The following CHDH variants were observed in gnomAD, a reference collection of about 807,000 sequenced individuals.
The protein encoded by CHDH is choline dehydrogenase, also known as choline dehydrogenase, mitochondrial.
CHDH carries 43 observed loss-of-function variants against 56.9 expected under a neutral mutation model. The ratio of observed to expected loss-of-function variants is 0.76; its 90% CI spans 0.59 to 0.97. The LOEUF (loss-of-function observed/expected upper bound fraction) is 0.97. CHDH is among the 50% of genes least tolerant of loss of function. The pLI, the probability that CHDH is intolerant of heterozygous loss-of-function variation, is 0.00. For synonymous variants in CHDH, 364 were observed against 348.5 expected (o/e 1.04, Z -0.50); for missense variants, 816 against 821.1 (o/e 0.99, Z 0.08).
Position 53,840,469 on chromosome 3 carries a change from G to A in CHDH, c.-60+460C>T, listed in dbSNP as rs1024595276. 2.6e-5 allele frequency among the ~76,000 whole-genome samples: 4 copies of A among 152,088 alleles called. No homozygotes were observed. In the South Asian group the frequency reaches 6.2e-4, roughly 24 times the overall value. On this transcript the variant is annotated intron_variant, in intron 2 of 8. Transcript: ENST00000315251. Reference sequence around the variant, plus strand: ...CTTGAGCCCAGGAGTTCAAGGTTACGTGAGCTATGATCTTGCCACTGTACT... The same window carrying A: ...CTTGAGCCCAGGAGTTCAAGGTTACATGAGCTATGATCTTGCCACTGTACT...
intron 5 of CHDH, 31 bp from the exon 6 acceptor site, chr3:53,820,639 G>C: frequency 6.3e-7 from 1 of 1,595,460 alleles, no homozygotes; most frequent in Non-Finnish European, 8.5e-7. Context: ...TTAGAAAATG[G>C]CTACCAAGGG....
intron 1 of CHDH, among the ~76,000 whole-genome samples, chr3:53,842,287 C>T (rs1033934659): frequency 6.6e-5 from 10 of 152,188 alleles, no homozygotes; most frequent in African/African-American, 2.2e-4. Context: ...TGTGATGCTA[C>T]ATCTACGACC....
chr3:53,820,339 C>A, intron 6 of CHDH, 135 bp downstream of exon 6: 1 of 1,073,312 alleles, frequency 9.3e-7, no homozygotes. Context: ...GATGGAAAAA[C>A]TGAGGCTCAG....
At position 53,846,340 on chromosome 3, in the gene CHDH, G is replaced by T. The variant is rs2232330; in HGVS notation, c.-388C>A. ...TGGCTCACTGCATGCACGTGTGCGC[G>T]GGGGTAGGCGCGCGCCGCGGCGGCC... On this transcript the variant is annotated 5_prime_UTR_variant, in exon 1 of 9. Transcript: ENST00000315251. 18,239 of 446,744 alleles carry T rather than the reference G, an allele frequency of 0.041. 1,045 individuals carry two copies. Among genetic ancestry groups the T allele is most frequent in the African/African-American group, 0.18 (8,486 of 47,992 alleles). The allele number at this position is 446,744 out of a possible 1,614,324, so 27.7% of individuals were successfully genotyped here. A position where few individuals can be genotyped will look rare whatever the true frequency, so the allele number is the denominator to read the frequency against.
chr3:53,829,154 C>A (rs987869756), intron 2 of CHDH, among the ~76,000 whole-genome samples: 1 of 152,084 alleles, frequency 6.6e-6, no homozygotes, highest in African/African-American at 2.4e-5. Flanking sequence ...TCAGAAAAGG[C>A]TACAAACCGT....
intron 2 of CHDH, among the ~76,000 whole-genome samples, chr3:53,836,059 A>G (rs530132284): frequency 6.6e-6 from 1 of 152,364 alleles, no homozygotes; most frequent in Non-Finnish European, 1.5e-5. Context: ...CCTACAGCCC[A>G]GCAGAGCCTC....
Position 53,817,851 on chromosome 3 carries a change from T to A in CHDH, c.1711A>T (p.Ile571Phe), listed in dbSNP as rs777919420. The change falls in exon 9 of 9, where the codon ATC becomes TTC. Residue 571 changes from isoleucine (I) to phenylalanine (F), a missense_variant. Physicochemically the swap from Ile to Phe is conservative, Grantham distance 21. Transcript: ENST00000315251. Reference sequence around the variant, plus strand: ...TCCCAGAGTGCAGGCTGCCCCTTGATAATGTCAGCTGCCTTCTCTGCGATC... The same window carrying A: ...TCCCAGAGTGCAGGCTGCCCCTTGAAAATGTCAGCTGCCTTCTCTGCGATC... Reference protein sequence around the residue: ...IMIAEKAADIIKGQPALWDKD... With the variant: ...IMIAEKAADIFKGQPALWDKD... The A allele has an allele frequency of 3.2e-5, 51 of 1,614,094 alleles. No individual in the cohort carries two copies. The highest frequency in any genetic ancestry group is 2.7e-4 in the East Asian group (12 of 44,882).
intron 1 of CHDH, among the ~76,000 whole-genome samples, chr3:53,842,995 T>C (rs1698722839): frequency 6.6e-6 from 1 of 152,096 alleles, no homozygotes; most frequent in Admixed American, 6.5e-5. Context: ...AGGGCCTTGA[T>C]TAATATTTGC....
In CHDH at chr3:53,815,002, T is replaced by G. The variant is rs1475280364; in HGVS notation, c.*2775A>C. On this transcript the variant is annotated 3_prime_UTR_variant, in exon 9 of 9. Transcript: ENST00000315251. ...ATTCGTGGAGATGATGCCTGCAACC[T>G]TCGCTACAAGCAGAAAGACTAGATG... The G allele has an allele frequency of 6.6e-6, 1 of 152,084 alleles. No homozygotes were observed. Among genetic ancestry groups the G allele is most frequent in the East Asian group, 1.9e-4 (1 of 5,172 alleles). 9.4% of individuals were successfully genotyped at this position (152,084 alleles called of 1,614,324 possible). A position where few individuals can be genotyped will look rare whatever the true frequency, so the allele number is the denominator to read the frequency against.
rs933175202 is a variant in CHDH, at chr3:53,816,135, C to G, written c.*1642G>C. 9 of 24,424 alleles carry G rather than the reference C, an allele frequency of 3.7e-4. No individual in the cohort carries two copies. Among genetic ancestry groups the G allele is most frequent in the African/African-American group, 7.3e-4 (8 of 10,928 alleles). The allele number at this position is 24,424 out of a possible 1,614,324, so 1.5% of individuals were successfully genotyped here. On this transcript the variant is annotated 3_prime_UTR_variant, in exon 9 of 9. Coordinates refer to ENST00000315251, the MANE Select transcript of CHDH (RefSeq NM_018397.5). ...AAACTAACTTGTGGCTGTCGGACGC[C>G]CCCCCCCCCCGCCCCAGTCTGTAAG...
chr3:53,829,479 G>A (rs918127726), intron 2 of CHDH, among the ~76,000 whole-genome samples: 2 of 152,178 alleles, frequency 1.3e-5, no homozygotes, highest in Admixed American at 1.3e-4. Flanking sequence ...GATTATGCAC[G>A]TGTAGGGGCA....
intron 2 of CHDH, among the ~76,000 whole-genome samples, chr3:53,837,605 C>G (rs988402237): frequency 8.5e-5 from 13 of 152,218 alleles, no homozygotes; most frequent in Non-Finnish European, 1.2e-4. Context: ...GTCTGCCCTC[C>G]TGCCTCCCCT....
chr3:53,840,345 T>C (rs56052250), intron 2 of CHDH, among the ~76,000 whole-genome samples: 33,907 of 151,756 alleles, frequency 0.22, 4,676 homozygotes, highest in Non-Finnish European at 0.31. Flanking sequence ...TGGGAAACAT[T>C]GTGAAACCCC....
intron 2 of CHDH, among the ~76,000 whole-genome samples, chr3:53,836,475 A>C (rs1248965293): frequency 6.6e-6 from 1 of 151,840 alleles, no homozygotes; most frequent in East Asian, 1.9e-4. Context: ...ACCTCCTTTC[A>C]CCTACTCACT....
rs1353046930 is a variant in CHDH at position 53,823,618 on chromosome 3, A to C, written c.391T>G (p.Ser131Ala). ...TAGACCATGGCATTGAGGGATGAGG[A>C]GCCACCCCAGACGCGGCCGCGTGGC... Reference protein sequence around the residue: ...YWPRGRVWGGSSSLNAMVYVR... With the variant: ...YWPRGRVWGGASSLNAMVYVR... The change falls in exon 3 of 9, where the codon TCC (serine) becomes GCC (alanine). Residue 131 changes from serine (S) to alanine (A), a missense_variant. Coordinates refer to ENST00000315251, the MANE Select transcript of CHDH (RefSeq NM_018397.5). 9 of 1,543,904 alleles carry C rather than the reference A, an allele frequency of 5.8e-6. No homozygotes were observed. Among genetic ancestry groups the C allele is most frequent in the Non-Finnish European group, 7.9e-6 (9 of 1,146,182 alleles).
intron 2 of CHDH, among the ~76,000 whole-genome samples, chr3:53,826,097 C>A (rs1183119392): frequency 1.3e-5 from 2 of 151,928 alleles, no homozygotes; most frequent in Non-Finnish European, 2.9e-5. Context: ...TCCAGATAAG[C>A]CTATATCTAT....
At chr3:53,826,076 C>A (rs9835128) in intron 2 of CHDH, among the ~76,000 whole-genome samples, 46,133 of 151,788 alleles carry the variant, frequency 0.3, 10,825 homozygotes, top group African/African-American at 0.64. Flanking sequence ...CTCACACAAG[C>A]AGAAAGACAC....
chr3:53,823,323 TC>T lies in CHDH; in HGVS notation c.685del (p.Asp229ThrfsTer2), dbSNP rs1257552743. 9 of 1,578,780 alleles carry T rather than the reference TC, an allele frequency of 5.7e-6. No individual in the cohort carries two copies. In the Admixed American group the frequency reaches 1.1e-4, roughly 19 times the overall value. ...GFQQEGFGWM[D>X]MTIHEGKRWS... is the part of the protein sequence containing the mutation. Reference sequence around the variant, plus strand: ...ACCACTACCTTCATGGATGGTCATGTCCATCCAGCCGAAGCCCTCCTGCTGG... The same window carrying T: ...ACCACTACCTTCATGGATGGTCATGTCATCCAGCCGAAGCCCTCCTGCTGG... On this transcript the variant is annotated frameshift_variant, in exon 3 of 9. Coordinates refer to ENST00000315251, the MANE Select transcript of CHDH (RefSeq NM_018397.5). LOFTEE classifies it high-confidence loss of function.
chr3:53,841,545 G>A (rs1296226703), intron 1 of CHDH, among the ~76,000 whole-genome samples: 3 of 152,154 alleles, frequency 2.0e-5, no homozygotes, highest in African/African-American at 7.2e-5. Flanking sequence ...AAAGCACCTT[G>A]GCCAGCCAAG....
Sources: allele counts gnomAD v4.1 joint callset (sites outside exome capture counted in the v4.1 genomes callset), GRCh38; gene constraint gnomAD v4.1.1; transcripts MANE v1.5; gene names NCBI Gene and HGNC (gene_info 2026-07-23, HGNC 2026-07-21).